Variants in SPTBN4 observed in about 807,000 individuals in gnomAD.
SPTBN4 encodes spectrin beta chain, non-erythrocytic 4.
In SPTBN4, 96 loss-of-function variants were observed where a neutral mutation model predicts 277.8. That is an observed-to-expected ratio of 0.35 (90% confidence interval 0.29 to 0.41). SPTBN4 has a LOEUF of 0.41. Among genes scored for constraint, SPTBN4 ranks in the 10% least tolerant of loss-of-function variants. The probability of loss-of-function intolerance (pLI) is 1.00; values close to 1 mark genes in which losing one functional copy is unlikely to be tolerated. For missense variants in SPTBN4, 3,006 were observed against 3,595.7 expected (o/e 0.84, Z 4.19); for synonymous variants, 1,481 against 1,580.3 (o/e 0.94, Z 1.49).
chr19:40,520,213 G>C, intron 16 of SPTBN4, 62 bp downstream of exon 16: 8 of 1,004,378 alleles, frequency 8.0e-6, no homozygotes, highest in South Asian at 2.5e-5. Context: ...GGATTGCAGG[G>C]ACAGGGACAT....
chr19:40,556,383 C>A, intron 25 of SPTBN4, 95 bp downstream of exon 25: 1 of 1,121,622 alleles, frequency 8.9e-7, no homozygotes, highest in Non-Finnish European at 1.3e-6. Context: ...AATAACAGCA[C>A]CCGCCTCATG....
chr19:40,522,163 A>C (rs910444246), intron 16 of SPTBN4, among the ~76,000 whole-genome samples: 2 of 151,702 alleles, frequency 1.3e-5, no homozygotes, highest in Non-Finnish European at 2.9e-5. Context: ...AGTAGCTGGG[A>C]CTACAGGCAC....
intron 20 of SPTBN4, among the ~76,000 whole-genome samples, chr19:40,540,253 CTG>C (rs1208760246): frequency 2.6e-5 from 4 of 152,100 alleles, no homozygotes; most frequent in African/African-American, 9.7e-5. Flanking sequence ...TGTCATAAAA[CTG>C]AGAGCATATC....
At chr19:40,509,985 G>A (rs753084275) in intron 13 of SPTBN4, among the ~76,000 whole-genome samples, 10 of 152,062 alleles carry the variant, frequency 6.6e-5, no homozygotes, top group Non-Finnish European at 1.2e-4. Context: ...CTTTGCCCTC[G>A]CCTTGTGAAT....
Position 40,534,265 on chromosome 19 carries a change from T to C in SPTBN4, c.4281T>C (p.Leu1427=). The C allele has an allele frequency of 6.2e-7, 1 of 1,614,134 alleles. No homozygotes were observed. Among genetic ancestry groups the C allele is most frequent in the Non-Finnish European group, 8.5e-7 (1 of 1,180,042 alleles). The part of the protein sequence containing the change: ...QSFAELDKKL[L]HMESQLQDVD... Reference sequence around the variant, plus strand: ...TTGCTGAGCTGGACAAGAAGCTCCTTCACATGGAGAGCCAGCTGCAAGACG... The same window carrying C: ...TTGCTGAGCTGGACAAGAAGCTCCTCCACATGGAGAGCCAGCTGCAAGACG... The change falls in exon 20 of 36, where the codon CTT becomes CTC. Residue 1427 remains leucine, a synonymous_variant. Coordinates refer to ENST00000598249, the MANE Select transcript of SPTBN4 (RefSeq NM_020971.3).
chr19:40,559,665 A>C (rs1312800590), intron 26 of SPTBN4, among the ~76,000 whole-genome samples: 1 of 152,124 alleles, frequency 6.6e-6, no homozygotes, highest in African/African-American at 2.4e-5. Context: ...CAAACAAAAA[A>C]CCCAAAACCC....
intron 27 of SPTBN4, among the ~76,000 whole-genome samples, chr19:40,563,195 G>C (rs2081060262): frequency 6.6e-6 from 1 of 152,052 alleles, no homozygotes; most frequent in Non-Finnish European, 1.5e-5. Context: ...CTGGGTGACA[G>C]AGCGAGATTC....
At chr19:40,503,360 A>G (rs1218413779) in intron 11 of SPTBN4, among the ~76,000 whole-genome samples, 3 of 151,668 alleles carry the variant, frequency 2.0e-5, no homozygotes, top group Non-Finnish European at 4.4e-5. Flanking sequence ...AAGGTTAGAG[A>G]TGTAACAGGA....
In SPTBN4 at chr19:40,575,412, A is replaced by G. The variant is rs2067716871; in HGVS notation, c.7538A>G (p.Glu2513Gly). The change falls in exon 36 of 36, where the codon GAG becomes GGG. Residue 2513 changes from glutamate (E) to glycine (G), a missense_variant and splice_region_variant. Coordinates refer to ENST00000598249, the MANE Select transcript of SPTBN4 (RefSeq NM_020971.3). ...TCTGTGCCCTGTTTCTTCCCCCAGG[A>G]GGAGATGAACGGCTGGCTGGAGGCT... is the stretch of plus-strand genomic sequence containing the variant. ...SEFLLQAKDE[E>G]EMNGWLEAVA... The G allele has an allele frequency of 8.1e-6, 13 of 1,612,968 alleles. No homozygotes were observed. The highest frequency in any genetic ancestry group is 9.3e-6 in the Non-Finnish European group (11 of 1,179,670).
chr19:40,495,596 C>T (rs1300531586), intron 6 of SPTBN4, among the ~76,000 whole-genome samples: 3 of 152,038 alleles, frequency 2.0e-5, no homozygotes, highest in East Asian at 1.9e-4. Flanking sequence ...TGCAATGAGC[C>T]GAGATTGTGC....
rs1010559471 is a variant in SPTBN4 at position 40,512,948 on chromosome 19, G to T, written c.2159G>T (p.Arg720Leu). The T allele has an allele frequency of 5.6e-6, 8 of 1,417,146 alleles. No individual in the cohort carries two copies. The Admixed American group carries it at 1.0e-4, about 18-fold the overall frequency. 87.8% of individuals were successfully genotyped at this position (1,417,146 alleles called of 1,614,324 possible). The change falls in exon 14 of 36, where the codon CGG (arginine) becomes CTG (leucine). Residue 720 changes from arginine (R) to leucine (L), a missense_variant. By Grantham distance (102) the Arg-to-Leu change is moderately radical. This residue lies in a region of SPTBN4 where 1,759 missense variants were observed against 2,061.5 expected (regional missense o/e 0.85). Transcript: ENST00000598249. The stretch of plus-strand genomic sequence containing the variant: ...CGAGCGTTGCTGCAGCAGGCCCTGC[G>T]GTGTGGCGAGGAGCTGGTTGCGGCC... ...GRRALLQQAL[R>L]CGEELVAAGG...
intron 20 of SPTBN4, among the ~76,000 whole-genome samples, chr19:40,535,275 C>T (rs1489140039): frequency 1.3e-5 from 2 of 152,090 alleles, no homozygotes; most frequent in Non-Finnish European, 2.9e-5. Context: ...CTAGGGTAGT[C>T]TCAAACTCTT....
rs150475558 is a variant in SPTBN4 at position 40,515,398 on chromosome 19, C to G, written c.2853C>G (p.Gly951=). The change falls in exon 15 of 36, where the codon GGC becomes GGG. Residue 951 remains glycine, a synonymous_variant. Coordinates refer to ENST00000598249, the MANE Select transcript of SPTBN4 (RefSeq NM_020971.3). This position sits in a 1 kb window ranked among gnomAD's most constrained non-coding sequence, Gnocchi z 4.1. The part of the protein sequence containing the change: ...NHTVQELVEG[G]HPSSDEVRSC... ...CAGTCCAGGAGCTGGTGGAAGGAGG[C>G]CACCCCAGTTCAGATGAGGTGCGTT... 1 of 1,595,432 alleles carries G rather than the reference C, an allele frequency of 6.3e-7. No individual in the cohort carries two copies. Among genetic ancestry groups the G allele is most frequent in the Non-Finnish European group, 8.5e-7 (1 of 1,170,884 alleles).
intron 31 of SPTBN4, among the ~76,000 whole-genome samples, chr19:40,569,040 T>C (rs1233134927): frequency 2.0e-5 from 3 of 151,998 alleles, no homozygotes; most frequent in Non-Finnish European, 4.4e-5. Flanking sequence ...CCGAGAATTA[T>C]CTGGGCTGGA....
At chr19:40,553,393 G>A (rs925890728) in intron 22 of SPTBN4, among the ~76,000 whole-genome samples, 2 of 152,156 alleles carry the variant, frequency 1.3e-5, no homozygotes, top group African/African-American at 2.4e-5. Context: ...GAGGCAGGAG[G>A]ATCACTTGAG....
chr19:40,494,857 C>T (rs761864152), intron 5 of SPTBN4, 40 bp from the exon 6 acceptor site: 2 of 1,588,048 alleles, frequency 1.3e-6, no homozygotes, highest in Admixed American at 1.7e-5. Flanking sequence ...CCTCCTAACT[C>T]TCCCCATCTC....
chr19:40,559,321 C>A (rs1432940658), intron 26 of SPTBN4, among the ~76,000 whole-genome samples: 1 of 152,018 alleles, frequency 6.6e-6, no homozygotes. Context: ...ATGGGGAGGT[C>A]ACACCAAAAT....
At chr19:40,525,292 TC>T (rs2145885364) in intron 17 of SPTBN4, among the ~76,000 whole-genome samples, 1 of 151,516 alleles carries the variant, frequency 6.6e-6, no homozygotes, top group Middle Eastern at 3.5e-3. Context: ...CCCTTTTCCA[TC>T]CAGGCCTGGA....
At chr19:40,476,789 G>C (rs2079953334) in intron 2 of SPTBN4, among the ~76,000 whole-genome samples, 1 of 151,980 alleles carries the variant, frequency 6.6e-6, no homozygotes, top group African/African-American at 2.4e-5. Context: ...GGGTTTCACT[G>C]TGTTAGCCAG....
Sources: allele counts gnomAD v4.1 joint callset (sites outside exome capture counted in the v4.1 genomes callset), GRCh38; gene constraint gnomAD v4.1.1; regional missense constraint gnomAD v4.1.1; non-coding constraint Gnocchi (gnomAD v3.1); transcripts MANE v1.5; gene names NCBI Gene and HGNC (gene_info 2026-07-23, HGNC 2026-07-21).